The following VAMP4 variants were observed in gnomAD, a reference collection of about 807,000 sequenced individuals.
VAMP4 encodes vesicle associated membrane protein 4.
Under a neutral mutation model 23.5 loss-of-function variants are expected in VAMP4, and 19 were observed. That is an observed-to-expected ratio of 0.81 (90% CI 0.56 to 1.19). The LOEUF is 1.19. Among genes scored for constraint, VAMP4 ranks in the 50% most tolerant of loss-of-function variants. The pLI, the probability that VAMP4 is intolerant of heterozygous loss-of-function variation, is 0.00. For missense variants in VAMP4, 145 were observed against 168.6 expected (o/e 0.86, Z 0.78); for synonymous variants, 31 against 51.0 (o/e 0.61, Z 1.67).
chr1:171,704,597 C>A, intron 7 of VAMP4, 63 bp from the exon 8 acceptor site: 2 of 1,295,232 alleles, frequency 1.5e-6, no homozygotes, highest in Non-Finnish European at 2.1e-6. Flanking sequence ...ATGTTTGAAG[C>A]AATATTCCTA....
At chr1:171,728,188 C>T (rs1220424856) in intron 3 of VAMP4, among the ~76,000 whole-genome samples, 1 of 152,192 alleles carries the variant, frequency 6.6e-6, no homozygotes, top group Non-Finnish European at 1.5e-5. Context: ...CGCTTTGTCC[C>T]ACCTGAAATG....
intron 1 of VAMP4, among the ~76,000 whole-genome samples, chr1:171,741,320 C>G (rs921708997): frequency 6.6e-6 from 1 of 152,136 alleles, no homozygotes. Context: ...CTGTCATCAG[C>G]CTTCTTGCTT....
intron 3 of VAMP4, among the ~76,000 whole-genome samples, chr1:171,721,415 T>C (rs1457918221): frequency 2.0e-5 from 3 of 152,284 alleles, no homozygotes; most frequent in South Asian, 4.1e-4. Flanking sequence ...CAGTAGGATA[T>C]ATAAAAACAC....
Position 171,704,247 on chromosome 1 carries a change from G to T in VAMP4, c.*259C>A, listed in dbSNP as rs1654574953. 1 of 274,812 alleles carries T rather than the reference G, an allele frequency of 3.6e-6. No homozygotes were observed. Among genetic ancestry groups the T allele is most frequent in the African/African-American group, 2.2e-5 (1 of 45,624 alleles). The allele number at this position is 274,812 out of a possible 1,614,324, so 17.0% of individuals were successfully genotyped here. On this transcript the variant is annotated 3_prime_UTR_variant, in exon 8 of 8. Coordinates refer to ENST00000236192, the MANE Select transcript of VAMP4 (RefSeq NM_003762.5). The stretch of plus-strand genomic sequence containing the variant: ...CAAATAATGAACTGGCAAGTATCTA[G>T]TTTCAAATTAGATCCTTGAAATATG...
intron 2 of VAMP4, among the ~76,000 whole-genome samples, chr1:171,732,130 T>C (rs985354513): frequency 2.0e-5 from 3 of 152,168 alleles, no homozygotes; most frequent in African/African-American, 7.2e-5. Flanking sequence ...TTTTCCTTTA[T>C]GGGTAAGCCA....
In VAMP4 at chr1:171,701,603, C is replaced by CAGACT. The variant is rs1654435258; in HGVS notation, c.*2898_*2902dup. The CAGACT allele has an allele frequency of 6.6e-6, 1 of 152,162 alleles. No homozygotes were observed. The highest frequency in any genetic ancestry group is 2.4e-5 in the African/African-American group (1 of 41,466). 9.4% of individuals were successfully genotyped at this position (152,162 alleles called of 1,614,324 possible). Reference sequence around the variant, plus strand: ...GTGCTGAAGTTATAATTTCCTAATACAGACTATTGAAATGCACAGAAAGAC... The same window carrying CAGACT: ...GTGCTGAAGTTATAATTTCCTAATACAGACTAGACTATTGAAATGCACAGAAAGAC... On this transcript the variant is annotated 3_prime_UTR_variant, in exon 8 of 8. Coordinates refer to ENST00000236192, the MANE Select transcript of VAMP4 (RefSeq NM_003762.5).
chr1:171,708,985 C>G (rs1012336563), intron 6 of VAMP4, among the ~76,000 whole-genome samples: 2 of 143,998 alleles, frequency 1.4e-5, no homozygotes, highest in Non-Finnish European at 3.0e-5. Flanking sequence ...AAAATTATAA[C>G]TAGAATCAGG....
At chr1:171,738,214 C>T in intron 2 of VAMP4, 135 bp downstream of exon 2, 1 of 883,232 alleles carries the variant, frequency 1.1e-6, no homozygotes, top group Non-Finnish European at 1.7e-6. Flanking sequence ...TCAAGCTATT[C>T]TGCTTCAGCG....
At chr1:171,712,905 A>G (rs1654896002) in intron 4 of VAMP4, among the ~76,000 whole-genome samples, 3 of 152,242 alleles carry the variant, frequency 2.0e-5, no homozygotes, top group East Asian at 1.9e-4. Context: ...TTAACCTTAT[A>G]GCTGTGAAAC....
chr1:171,705,089 C>A (rs236898), intron 7 of VAMP4, among the ~76,000 whole-genome samples: 20,775 of 152,030 alleles, frequency 0.14, 1,792 homozygotes, highest in Non-Finnish European at 0.19. Flanking sequence ...GAATATGGAA[C>A]CACTGCTTCT....
At chr1:171,735,443 A>G (rs1655711308) in intron 2 of VAMP4, among the ~76,000 whole-genome samples, 1 of 152,228 alleles carries the variant, frequency 6.6e-6, no homozygotes, top group Non-Finnish European at 1.5e-5. Context: ...TGATTTTACT[A>G]CATACATTTC....
At chr1:171,728,002 C>G (rs956680766) in intron 3 of VAMP4, among the ~76,000 whole-genome samples, 2 of 152,186 alleles carry the variant, frequency 1.3e-5, no homozygotes, top group African/African-American at 4.8e-5. Flanking sequence ...GTGATGATGT[C>G]ACAGGTACAC....
intron 2 of VAMP4, among the ~76,000 whole-genome samples, chr1:171,734,427 A>T (rs913152319): frequency 2.0e-5 from 3 of 152,178 alleles, no homozygotes; most frequent in Admixed American, 2.0e-4. Context: ...ATAGGAGTGC[A>T]GTTGCTTAGA....
intron 2 of VAMP4, among the ~76,000 whole-genome samples, chr1:171,734,372 G>A (rs1363837596): frequency 2.0e-5 from 3 of 151,830 alleles, no homozygotes; most frequent in African/African-American, 7.3e-5. Flanking sequence ...AAGGCTATAT[G>A]TTATATGATT....
In VAMP4 at chr1:171,702,761, A is replaced by G. The variant is rs967597534; in HGVS notation, c.*1745T>C. 6.6e-6 allele frequency: 1 copy of G among 152,034 alleles called. No individual in the cohort carries two copies. Among genetic ancestry groups the G allele is most frequent in the Admixed American group, 6.6e-5 (1 of 15,260 alleles). 9.4% of individuals were successfully genotyped at this position (152,034 alleles called of 1,614,324 possible). ...TTTATTAGCTGTTCAGATGCTGTTTATATTAATTGACATTTACAAAGAGCA... is the reference window on the plus strand; with the variant it reads ...TTTATTAGCTGTTCAGATGCTGTTTGTATTAATTGACATTTACAAAGAGCA... On this transcript the variant is annotated 3_prime_UTR_variant, in exon 8 of 8. Transcript: ENST00000236192.
intron 2 of VAMP4, among the ~76,000 whole-genome samples, chr1:171,731,393 G>A (rs1240323290): frequency 6.6e-6 from 1 of 151,670 alleles, no homozygotes; most frequent in East Asian, 1.9e-4. Context: ...TTGTGCACAC[G>A]TACCCTAAAA....
chr1:171,715,322 A>G (rs576388451), intron 4 of VAMP4, among the ~76,000 whole-genome samples: 1 of 152,210 alleles, frequency 6.6e-6, no homozygotes, highest in African/African-American at 2.4e-5. Context: ...CACAATGAGG[A>G]AAAGACATTT....
intron 4 of VAMP4, among the ~76,000 whole-genome samples, chr1:171,718,658 T>G (rs1655094607): frequency 6.6e-6 from 1 of 152,108 alleles, no homozygotes. Flanking sequence ...AAACATGCAG[T>G]ACATCAACAA....
intron 1 of VAMP4, among the ~76,000 whole-genome samples, chr1:171,741,457 C>T (rs1011971920): frequency 6.6e-6 from 1 of 151,928 alleles, no homozygotes; most frequent in Non-Finnish European, 1.5e-5. Flanking sequence ...GGTTGGCGCT[C>T]TTTCCCCCGG....
Sources: gnomAD v4.1 joint callset for allele counts (sites outside exome capture counted in the v4.1 genomes callset) on GRCh38, gnomAD v4.1.1 for gene constraint, MANE v1.5 for transcripts, NCBI Gene and HGNC (gene_info 2026-07-23, HGNC 2026-07-21) for gene names.